The following NRG1 variants were observed in gnomAD, a reference collection of about 807,000 sequenced individuals.
NRG1 encodes neuregulin 1.
NRG1 carries 18 observed loss-of-function variants against 63.8 expected under a neutral mutation model. That is an observed-to-expected ratio of 0.28 (90% CI 0.19 to 0.42). The LOEUF (loss-of-function observed/expected upper bound fraction) is 0.42, where lower values mean the gene tolerates loss of function less well. Ranked by LOEUF, NRG1 falls within the 10% of genes least tolerant of loss-of-function variation. The pLI, the probability that NRG1 is intolerant of heterozygous loss-of-function variation, is 1.00. For synonymous variants in NRG1, 302 were observed against 301.3 expected, an observed-to-expected ratio of 1.00 and a Z score of -0.02; for missense variants, 762 against 814.7, an observed-to-expected ratio of 0.94 and a Z score of 0.79.
chr8:31,663,840 G>A (rs571213535), intron 1 of NRG1, among the ~76,000 whole-genome samples: 24 of 152,190 alleles, frequency 1.6e-4, no homozygotes, highest in African/African-American at 5.5e-4. Context: ...TGTACATCAG[G>A]GGAGGAGGGT....
intron 1 of NRG1, among the ~76,000 whole-genome samples, chr8:31,885,374 A>G (rs1830641402): frequency 6.6e-6 from 1 of 152,112 alleles, no homozygotes; most frequent in Non-Finnish European, 1.5e-5. Flanking sequence ...ATACATTTAG[A>G]TACAAAAGAG....
At chr8:32,723,850 G>A (rs16879872) in intron 5 of NRG1, among the ~76,000 whole-genome samples, 9,019 of 150,604 alleles carry the variant, frequency 0.06, 933 homozygotes, top group African/African-American at 0.21. Flanking sequence ...GAAGGAGGGA[G>A]TCCTTTTGTG....
intron 1 of NRG1, among the ~76,000 whole-genome samples, chr8:32,190,538 T>G (rs990373230): frequency 2.6e-5 from 4 of 152,198 alleles, no homozygotes; most frequent in African/African-American, 9.7e-5. Context: ...CTATTTTTAT[T>G]AAGTACTCTG....
intron 1 of NRG1, among the ~76,000 whole-genome samples, chr8:32,066,335 C>A (rs1481924980): frequency 6.6e-6 from 1 of 152,154 alleles, no homozygotes; most frequent in East Asian, 1.9e-4. Flanking sequence ...ACATTTAAGT[C>A]TTTAATCCAT....
chr8:32,694,020 A>T (rs1812586339), intron 5 of NRG1, among the ~76,000 whole-genome samples: 1 of 152,192 alleles, frequency 6.6e-6, no homozygotes, highest in Non-Finnish European at 1.5e-5. Context: ...CTTCCTGTCC[A>T]GCCAAAGGAG....
intron 1 of NRG1, among the ~76,000 whole-genome samples, chr8:32,159,309 T>C (rs913265925): frequency 1.4e-5 from 2 of 147,060 alleles, no homozygotes; most frequent in African/African-American, 2.5e-5. Context: ...CCGAGGCGGG[T>C]GGATCATGAG....
chr8:31,743,560 A>G (rs939548385), intron 1 of NRG1, among the ~76,000 whole-genome samples: 4 of 151,160 alleles, frequency 2.6e-5, no homozygotes, highest in African/African-American at 7.3e-5. Flanking sequence ...ATTGTTTAAT[A>G]TGTGTGTGTG....
chr8:31,953,850 A>G (rs1271557437), intron 1 of NRG1, among the ~76,000 whole-genome samples: 1 of 152,232 alleles, frequency 6.6e-6, no homozygotes, highest in South Asian at 2.1e-4. Flanking sequence ...GTGATGTCGC[A>G]CACGGAAAGA....
intron 1 of NRG1, among the ~76,000 whole-genome samples, chr8:31,903,239 C>T (rs1832242575): frequency 6.7e-6 from 1 of 149,268 alleles, no homozygotes; most frequent in African/African-American, 2.4e-5. Context: ...AGCTCTGCCT[C>T]CCGGGTTCAC....
intron 5 of NRG1, among the ~76,000 whole-genome samples, chr8:32,643,337 A>G (rs1205020867): frequency 6.6e-6 from 1 of 152,166 alleles, no homozygotes; most frequent in Admixed American, 6.5e-5. Context: ...GCTTTCAGGC[A>G]CAGACTTTTA....
intron 1 of NRG1, among the ~76,000 whole-genome samples, chr8:32,564,626 A>C (rs1267350518): frequency 1.3e-5 from 2 of 152,234 alleles, no homozygotes; most frequent in African/African-American, 4.8e-5. Context: ...TAGATAAAGC[A>C]TACAGTTTGG....
intron 1 of NRG1, among the ~76,000 whole-genome samples, chr8:32,379,608 C>T (rs1398921080): frequency 1.3e-5 from 2 of 152,192 alleles, no homozygotes; most frequent in Non-Finnish European, 2.9e-5. Context: ...AGGATGCCAT[C>T]CATTGTGTCA....
intron 1 of NRG1, among the ~76,000 whole-genome samples, chr8:32,418,487 G>A (rs6993436): frequency 0.25 from 37,947 of 151,212 alleles, 5,025 homozygotes; most frequent in Middle Eastern, 0.33. Flanking sequence ...TTCACATTAA[G>A]TCTTTGAAAT....
chr8:32,078,303 C>T (rs1469259811), intron 1 of NRG1, among the ~76,000 whole-genome samples: 2 of 152,190 alleles, frequency 1.3e-5, no homozygotes, highest in Non-Finnish European at 2.9e-5. Context: ...CCTGTGCTCT[C>T]ACCATGTGAC....
chr8:32,169,423 C>T (rs938082653), intron 1 of NRG1, among the ~76,000 whole-genome samples: 2 of 152,182 alleles, frequency 1.3e-5, no homozygotes, highest in Non-Finnish European at 2.9e-5. Flanking sequence ...AGGGACAAAA[C>T]TATTTGAGAA....
Position 31,640,724 on chromosome 8 carries a change from G to T in NRG1, c.37+1293G>T. The T allele has an allele frequency of 1.3e-6, 2 of 1,582,216 alleles. No homozygotes were observed. Among genetic ancestry groups the T allele is most frequent in the Non-Finnish European group, 1.7e-6 (2 of 1,163,900 alleles). On this transcript the variant is annotated intron_variant, in intron 1 of 10. Coordinates refer to the NRG1 transcript ENST00000519301. This position sits in a 1 kb window ranked among gnomAD's most constrained non-coding sequence, Gnocchi z 6.3. ...GAGGTCAGCCGGGTGCTGTGCAAGC[G>T]GTGCGGTAAGTTCCTCGCCCTTGGG...
chr8:31,722,147 T>C (rs1812981499), intron 1 of NRG1, among the ~76,000 whole-genome samples: 1 of 152,096 alleles, frequency 6.6e-6, no homozygotes, highest in African/African-American at 2.4e-5. Flanking sequence ...TCTTAGGACC[T>C]GGTGGTCTCA....
At position 31,863,633 on chromosome 8, in the gene NRG1, C is replaced by A. The variant is rs532267920; in HGVS notation, c.37+224202C>A. Among the ~76,000 whole-genome samples the A allele has an allele frequency of 2.0e-4, 31 of 152,356 alleles. No homozygotes were observed. The South Asian group carries it at 3.9e-3, about 19-fold the overall frequency. On this transcript the variant is annotated intron_variant, in intron 1 of 10. Transcript: ENST00000519301. Reference sequence around the variant, plus strand: ...ACCACTTATATCCAGCTACCTGAAACTACTGGCACTACTCAGAAAATAAAT... The same window carrying A: ...ACCACTTATATCCAGCTACCTGAAAATACTGGCACTACTCAGAAAATAAAT...
chr8:31,933,516 A>G (rs1585872170), intron 1 of NRG1, among the ~76,000 whole-genome samples: 1 of 152,190 alleles, frequency 6.6e-6, no homozygotes, highest in South Asian at 2.1e-4. Flanking sequence ...CCCTGACCTC[A>G]GGTGATCCAC....
Sources: gnomAD v4.1 joint callset for allele counts (sites outside exome capture counted in the v4.1 genomes callset) on GRCh38, gnomAD v4.1.1 for gene constraint, Gnocchi (gnomAD v3.1) non-coding constraint, MANE v1.5 for transcripts, NCBI Gene and HGNC (gene_info 2026-07-23, HGNC 2026-07-21) for gene names.